The following SLC25A21 variants were observed in gnomAD, a reference collection of about 807,000 sequenced individuals.
The protein encoded by SLC25A21 is solute carrier family 25 member 21.
A neutral mutation model predicts 43.8 loss-of-function variants in SLC25A21; 47 were observed. The ratio of observed to expected loss-of-function variants is 1.07; its 90% CI spans 0.85 to 1.37. SLC25A21 has a LOEUF of 1.37. SLC25A21 is among the 40% of genes most tolerant of loss of function. The probability of loss-of-function intolerance (pLI) is 0.00; values close to 1 mark genes in which losing one functional copy is unlikely to be tolerated. For synonymous variants in SLC25A21, 131 were observed against 121.3 expected, an observed-to-expected ratio of 1.08 and a Z score of -0.52; for missense variants, 352 against 350.2, an observed-to-expected ratio of 1.00 and a Z score of -0.04.
chr14:36,828,374 A>C (rs982178780), intron 2 of SLC25A21: 1 of 152,214 alleles, frequency 6.6e-6, no homozygotes, highest in Admixed American at 6.6e-5. Context: ...TGAGGCTTTT[A>C]AGAAGTAATT....
At chr14:36,846,414 T>G (rs1403031986) in intron 2 of SLC25A21, among the ~76,000 whole-genome samples, 1 of 152,136 alleles carries the variant, frequency 6.6e-6, no homozygotes, top group African/African-American at 2.4e-5. Flanking sequence ...TCAGTTTTGC[T>G]CTTGTCGCCC....
intron 1 of SLC25A21, among the ~76,000 whole-genome samples, chr14:36,904,062 T>C (rs946781928): frequency 6.6e-6 from 1 of 152,232 alleles, no homozygotes; most frequent in Non-Finnish European, 1.5e-5. Flanking sequence ...GACTGAATTC[T>C]TGTCCTTTGA....
intron 1 of SLC25A21, among the ~76,000 whole-genome samples, chr14:36,905,246 C>A (rs1408829467): frequency 1.3e-5 from 2 of 152,146 alleles, no homozygotes; most frequent in African/African-American, 4.8e-5. Flanking sequence ...GTAACAGAGG[C>A]CACCCATTTC....
intron 1 of SLC25A21, among the ~76,000 whole-genome samples, chr14:37,084,452 G>C (rs963679523): frequency 6.6e-6 from 1 of 152,296 alleles, no homozygotes; most frequent in South Asian, 2.1e-4. Context: ...CTTGAAGTCA[G>C]TTCAGTCTAC....
At chr14:36,723,535 G>A (rs1299466435) in intron 6 of SLC25A21, among the ~76,000 whole-genome samples, 1 of 152,076 alleles carries the variant, frequency 6.6e-6, no homozygotes, top group Non-Finnish European at 1.5e-5. Context: ...CTATCCCCTG[G>A]CCCCTGCTTT....
intron 1 of SLC25A21, among the ~76,000 whole-genome samples, chr14:36,925,859 A>G (rs1892118097): frequency 6.6e-6 from 1 of 152,124 alleles, no homozygotes; most frequent in Admixed American, 6.5e-5. Flanking sequence ...AACAAAAACA[A>G]AAACAAAACC....
intron 1 of SLC25A21, among the ~76,000 whole-genome samples, chr14:37,003,098 C>A (rs577610639): frequency 1.3e-5 from 2 of 152,076 alleles, no homozygotes; most frequent in Non-Finnish European, 2.9e-5. Flanking sequence ...AATACCAAAC[C>A]CTATACACAC....
intron 2 of SLC25A21, among the ~76,000 whole-genome samples, chr14:36,850,799 C>T (rs1889704092): frequency 6.6e-6 from 1 of 152,154 alleles, no homozygotes; most frequent in African/African-American, 2.4e-5. Context: ...GATTCAGCAT[C>T]TATTTAAGAA....
At chr14:36,834,999 G>T (rs559337580) in intron 2 of SLC25A21, among the ~76,000 whole-genome samples, 4 of 152,240 alleles carry the variant, frequency 2.6e-5, no homozygotes, top group Admixed American at 2.6e-4. Context: ...TTATAGATTT[G>T]TCCAGTTTTC....
intron 2 of SLC25A21, among the ~76,000 whole-genome samples, chr14:36,825,459 G>A (rs1434001569): frequency 6.6e-6 from 1 of 152,116 alleles, no homozygotes; most frequent in Admixed American, 6.6e-5. Flanking sequence ...CTAGTAGCAG[G>A]CCCAACTTGT....
intron 3 of SLC25A21, among the ~76,000 whole-genome samples, chr14:36,753,948 A>G (rs1342848089): frequency 1.3e-5 from 2 of 151,748 alleles, no homozygotes; most frequent in Non-Finnish European, 2.9e-5. Context: ...AGAGAGAGAG[A>G]GAGAGAGAGA....
chr14:36,827,850 T>C (rs1888891187), intron 2 of SLC25A21, among the ~76,000 whole-genome samples: 1 of 152,188 alleles, frequency 6.6e-6, no homozygotes, highest in South Asian at 2.1e-4. Context: ...TTACCAGAGA[T>C]AAGCAAGTAT....
chr14:37,108,919 C>A (rs1292368693), intron 1 of SLC25A21, among the ~76,000 whole-genome samples: 2 of 152,110 alleles, frequency 1.3e-5, no homozygotes, highest in Non-Finnish European at 2.9e-5. Flanking sequence ...CTACTCCCCA[C>A]ACTCTAATTT....
intron 1 of SLC25A21, among the ~76,000 whole-genome samples, chr14:36,893,054 G>A (rs1326691472): frequency 2.0e-5 from 3 of 152,132 alleles, no homozygotes; most frequent in Admixed American, 1.3e-4. Flanking sequence ...AATCCTTTGG[G>A]TATATAACCA....
chr14:36,781,465 T>G (rs755126803), intron 3 of SLC25A21, among the ~76,000 whole-genome samples: 1 of 151,752 alleles, frequency 6.6e-6, no homozygotes, highest in Non-Finnish European at 1.5e-5. Flanking sequence ...TGTGTTGATT[T>G]CTTTATCTTT....
intron 1 of SLC25A21, among the ~76,000 whole-genome samples, chr14:37,120,736 G>A (rs1963192922): frequency 6.6e-6 from 1 of 152,094 alleles, no homozygotes; most frequent in African/African-American, 2.4e-5. Flanking sequence ...CAGAGCTGGG[G>A]TGTTTTCTCT....
At chr14:37,163,051 A>C (rs1963973524) in intron 1 of SLC25A21, among the ~76,000 whole-genome samples, 1 of 152,004 alleles carries the variant, frequency 6.6e-6, no homozygotes, top group East Asian at 1.9e-4. Flanking sequence ...ACAAAAAACC[A>C]AACACCGCAT....
At chr14:37,101,553 A>G (rs959944256) in intron 1 of SLC25A21, among the ~76,000 whole-genome samples, 1 of 152,230 alleles carries the variant, frequency 6.6e-6, no homozygotes, top group Non-Finnish European at 1.5e-5. Context: ...CAGCTGTCAT[A>G]ATATTATTTT....
intron 1 of SLC25A21, among the ~76,000 whole-genome samples, chr14:36,908,751 G>C (rs759786180): frequency 2.0e-5 from 3 of 152,206 alleles, no homozygotes; most frequent in Non-Finnish European, 4.4e-5. Context: ...TGATATGGTG[G>C]TTGTCATGAG....
Sources: gnomAD v4.1 joint callset for allele counts (sites outside exome capture counted in the v4.1 genomes callset) on GRCh38, gnomAD v4.1.1 for gene constraint, MANE v1.5 for transcripts, NCBI Gene and HGNC (gene_info 2026-07-23, HGNC 2026-07-21) for gene names.